EXOC3L2: variants seen among roughly 807,000 people sequenced by gnomAD.
EXOC3L2 encodes exocyst complex component 3-like protein 2.
EXOC3L2 carries 17 observed loss-of-function variants against 44.4 expected under a neutral mutation model. The observed-to-expected ratio is 0.38, with a 90% CI of 0.26 to 0.57. The LOEUF is 0.57. EXOC3L2 is among the 20% of genes least tolerant of loss of function. The probability of loss-of-function intolerance (pLI) is 0.65; values close to 1 mark genes in which losing one functional copy is unlikely to be tolerated. For synonymous variants in EXOC3L2, 256 were observed against 253.7 expected, an observed-to-expected ratio of 1.01 and a Z score of -0.09; for missense variants, 541 against 588.4, an observed-to-expected ratio of 0.92 and a Z score of 0.83.
intron 11 of EXOC3L2, among the ~76,000 whole-genome samples, chr19:45,214,824 A>T (rs1342674163): frequency 2.0e-5 from 3 of 152,000 alleles, no homozygotes; most frequent in African/African-American, 7.2e-5. Context: ...CACCTTTGCC[A>T]CTTGCTAGGC....
rs569148348 is a variant in EXOC3L2 at position 45,213,146 on chromosome 19, G to A, written c.2332C>T (p.Arg778Trp). 19 of 1,585,656 alleles carry A rather than the reference G, an allele frequency of 1.2e-5. No homozygotes were observed. In the East Asian group the frequency reaches 1.4e-4, roughly 12 times the overall value. The change falls in exon 12 of 12, where the codon CGG becomes TGG. Residue 778 changes from arginine (R) to tryptophan (W), a missense_variant. Arg to Trp is a moderately radical substitution (Grantham distance 101). Transcript: ENST00000413988. ...CAGGCCAAACTGGGCCTGGCCAGCC[G>A]GGAGAGGGGGAGGCGGCCCAGGAAG... ...PLFLGRLPLS[R>W]LARPSLACLP...
rs543173262 is a variant in EXOC3L2, at chr19:45,222,266, C to T, written c.1719+2512G>A. Among the ~76,000 whole-genome samples the T allele has an allele frequency of 2.0e-5, 3 of 147,978 alleles. No homozygotes were observed. The South Asian group carries it at 6.4e-4, about 32-fold the overall frequency. On this transcript the variant is annotated intron_variant, in intron 8 of 11. Coordinates refer to ENST00000413988, the MANE Select transcript of EXOC3L2 (RefSeq NM_001382422.1). ...CCAGGCTGAAGTACAGTGGCATGAT[C>T]TCATTTCATTGCAACCTCTGCCTCC...
intron 11 of EXOC3L2, among the ~76,000 whole-genome samples, chr19:45,215,634 C>T (rs1290089958): frequency 6.6e-6 from 1 of 152,186 alleles, no homozygotes; most frequent in African/African-American, 2.4e-5. Flanking sequence ...CTACTATCCC[C>T]ATGGAACGGA....
At chr19:45,240,930 T>TA (rs1186958475) in intron 1 of EXOC3L2, among the ~76,000 whole-genome samples, 4 of 151,842 alleles carry the variant, frequency 2.6e-5, no homozygotes, top group Admixed American at 2.6e-4. Flanking sequence ...CAAAACAACT[T>TA]ACTAGGTATT....
chr19:45,219,677 C>T (rs1461153751), intron 8 of EXOC3L2, among the ~76,000 whole-genome samples: 2 of 152,140 alleles, frequency 1.3e-5, no homozygotes, highest in African/African-American at 4.8e-5. Flanking sequence ...ACCTGTCTTG[C>T]CCCCTCTTTT....
At chr19:45,239,369 C>T (rs1265357332) in intron 1 of EXOC3L2, among the ~76,000 whole-genome samples, 5 of 150,986 alleles carry the variant, frequency 3.3e-5, no homozygotes. Flanking sequence ...AGGCGCCCAC[C>T]ACCACGCCCG....
At chr19:45,233,162 G>C (rs894119906) in intron 3 of EXOC3L2, among the ~76,000 whole-genome samples, 3 of 152,116 alleles carry the variant, frequency 2.0e-5, no homozygotes, top group Non-Finnish European at 4.4e-5. Context: ...GTTGCAGTTG[G>C]CAGAGATTGC....
intron 11 of EXOC3L2, among the ~76,000 whole-genome samples, chr19:45,215,262 G>T (rs1969820927): frequency 1.3e-5 from 2 of 152,164 alleles, no homozygotes; most frequent in South Asian, 4.1e-4. Context: ...CTTGAGCCCA[G>T]AAGTTCGAGA....
At chr19:45,237,471 A>T (rs113867802) in intron 2 of EXOC3L2, among the ~76,000 whole-genome samples, 10 of 152,262 alleles carry the variant, frequency 6.6e-5, no homozygotes, top group African/African-American at 2.4e-4. Context: ...ACTGCACTCT[A>T]GCCTCTAGCC....
intron 1 of EXOC3L2, among the ~76,000 whole-genome samples, chr19:45,240,290 T>A (rs35689308): frequency 0.23 from 33,838 of 150,218 alleles, 4,279 homozygotes; most frequent in Non-Finnish European, 0.29. Flanking sequence ...TTAATTTATT[T>A]ATTTATTTAT....
Position 45,217,615 on chromosome 19 carries a change from C to T in EXOC3L2, c.1911G>A (p.Leu637=), listed in dbSNP as rs1192778487. 44 of 1,501,992 alleles carry T rather than the reference C, an allele frequency of 2.9e-5. No individual in the cohort carries two copies. Among genetic ancestry groups the T allele is most frequent in the Non-Finnish European group, 3.7e-5 (42 of 1,133,690 alleles). The allele number at this position is 1,501,992 out of a possible 1,614,324, so 93.0% of individuals were successfully genotyped here. A position where few individuals can be genotyped will look rare whatever the true frequency, so the allele number is the denominator to read the frequency against. ...EYVRPLLRGR[L]RCSSARTRSR... is the part of the protein sequence containing the mutation. The stretch of plus-strand genomic sequence containing the variant: ...TGCGGGTCCGCGCCGAGCTGCAGCG[C>T]AGGCGCCCACGGAGCAGGGGCCGCA... The change falls in exon 10 of 12, where the codon CTG becomes CTA. Residue 637 remains leucine, a synonymous_variant. Transcript: ENST00000413988.
chr19:45,223,186 G>A (rs1337677806), intron 8 of EXOC3L2, among the ~76,000 whole-genome samples: 2 of 152,020 alleles, frequency 1.3e-5, no homozygotes, highest in African/African-American at 4.8e-5. Context: ...TCAAGAGATC[G>A]AGACCATCCT....
At chr19:45,220,696 A>G in intron 8 of EXOC3L2, among the ~76,000 whole-genome samples, 1 of 151,876 alleles carries the variant, frequency 6.6e-6, no homozygotes, top group Admixed American at 6.6e-5. Context: ...GCTGGATTGC[A>G]CATGGCCTCC....
intron 8 of EXOC3L2, among the ~76,000 whole-genome samples, chr19:45,219,417 GA>G (rs1969874365): frequency 1.5e-5 from 2 of 129,226 alleles, no homozygotes; most frequent in African/African-American, 6.3e-5. Context: ...AAAAAAAAGA[GA>G]AAAAGTAAGA....
At chr19:45,228,344 C>T in intron 4 of EXOC3L2, 78 bp from the exon 5 acceptor site, 2 of 1,261,532 alleles carry the variant, frequency 1.6e-6, no homozygotes, top group Admixed American at 2.0e-5. Flanking sequence ...TCTCCCACCA[C>T]AATCCCCTAG....
At chr19:45,227,117 C>CT (rs1410089256) in intron 7 of EXOC3L2, among the ~76,000 whole-genome samples, 2 of 146,472 alleles carry the variant, frequency 1.4e-5, no homozygotes, top group East Asian at 4.1e-4. Flanking sequence ...AAAAAAAAAT[C>CT]TGTCATTCTT....
intron 1 of EXOC3L2, among the ~76,000 whole-genome samples, chr19:45,244,553 G>C (rs1970154771): frequency 6.6e-6 from 1 of 151,958 alleles, no homozygotes; most frequent in Admixed American, 6.6e-5. Context: ...CTGCCTCCCA[G>C]TGCCCAGCCC....
intron 8 of EXOC3L2, among the ~76,000 whole-genome samples, chr19:45,221,610 A>G (rs28564302): frequency 0.088 from 12,729 of 144,248 alleles, 737 homozygotes; most frequent in African/African-American, 0.16. Context: ...CAAAGTGCTG[A>G]GATTATAGGT....
intron 7 of EXOC3L2, 105 bp downstream of exon 7, chr19:45,227,557 G>C: frequency 1.1e-6 from 1 of 906,500 alleles, no homozygotes; most frequent in Non-Finnish European, 1.7e-6. Context: ...CCCATGCTCA[G>C]ACTCCCCTGA....
Sources: gnomAD v4.1 joint callset for allele counts (sites outside exome capture counted in the v4.1 genomes callset) on GRCh38, gnomAD v4.1.1 for gene constraint, MANE v1.5 for transcripts, NCBI Gene and HGNC (gene_info 2026-07-23, HGNC 2026-07-21) for gene names.